The following TSC2 variants were observed in gnomAD, a reference collection of about 807,000 sequenced individuals.
TSC2 encodes TSC complex subunit 2, also known as tuberin.
A neutral mutation model predicts 202.2 loss-of-function variants in TSC2; 29 were observed. That is an observed-to-expected ratio of 0.14 (90% CI 0.11 to 0.20). The LOEUF (loss-of-function observed/expected upper bound fraction) is 0.20, where lower values mean the gene tolerates loss of function less well. Among genes scored for constraint, TSC2 ranks in the 10% least tolerant of loss-of-function variants. The pLI is 1.00. For missense variants in TSC2, 2,429 were observed against 2,420.0 expected (o/e 1.00, Z -0.08); for synonymous variants, 1,349 against 1,044.0 (o/e 1.29, Z -5.63).
At position 2,075,525 on chromosome 16, in the gene TSC2, C is replaced by CAAAAAAAAAAAA. The variant is rs933350142; in HGVS notation, c.2546-260_2546-249dup. 5.9e-4 allele frequency among the ~76,000 whole-genome samples: 16 copies of CAAAAAAAAAAAA among 27,304 alleles called. 2 individuals are homozygous for CAAAAAAAAAAAA. Among genetic ancestry groups the CAAAAAAAAAAAA allele is most frequent in the African/African-American group, 1.4e-3 (11 of 7,888 alleles). The allele number at this position is 27,304 out of a possible 152,430, so 17.9% of individuals were successfully genotyped here. A position where few individuals can be genotyped will look rare whatever the true frequency, so the allele number is the denominator to read the frequency against. ...CTGGGCGACAGAGCCAGACTCATCTCAAAAAAAAAAAAAAAAAAAAAAAAA... is the reference window on the plus strand; with the variant it reads ...CTGGGCGACAGAGCCAGACTCATCTCAAAAAAAAAAAAAAAAAAAAAAAAAAAAAAAAAAAAA... On this transcript the variant is annotated intron_variant, in intron 22 of 41. Coordinates refer to ENST00000219476, the MANE Select transcript of TSC2 (RefSeq NM_000548.5).
chr16:2,088,518 G>C lies in TSC2; in HGVS notation c.5332G>C (p.Ala1778Pro). 1 of 1,612,666 alleles carries C rather than the reference G, an allele frequency of 6.2e-7. No individual in the cohort carries two copies. The highest frequency in any genetic ancestry group is 1.1e-5 in the South Asian group (1 of 91,080). The change falls in exon 42 of 42, where the codon GCA becomes CCA. Residue 1778 changes from alanine to proline, a missense_variant. Ala to Pro is a conservative substitution (Grantham distance 27, BLOSUM62 -1). Transcript: ENST00000219476. ...VHPPSHSKAPAQTPAEPTPGY... is the reference protein window; with the variant it reads ...VHPPSHSKAPPQTPAEPTPGY... The stretch of plus-strand genomic sequence containing the variant: ...CCCTCCGTCCCATAGCAAAGCCCCT[G>C]CACAGACTCCAGCCGAGCCCACACC...
intron 10 of TSC2, among the ~76,000 whole-genome samples, chr16:2,059,175 T>C (rs1280837296): frequency 6.6e-6 from 1 of 151,222 alleles, no homozygotes; most frequent in Admixed American, 6.6e-5. Context: ...CCTGGTACCA[T>C]GCCTGGCTAA....
intron 15 of TSC2, 60 bp from the exon 16 acceptor site, chr16:2,065,459 C>G: frequency 3.2e-6 from 3 of 927,250 alleles, no homozygotes; most frequent in Non-Finnish European, 3.4e-6. Context: ...AGAAAGTGTT[C>G]TCACGGCTGC....
chr16:2,088,022 C>T (rs1203670927), intron 39 of TSC2, 26 bp from the exon 40 acceptor site: 3 of 1,611,394 alleles, frequency 1.9e-6, no homozygotes, highest in East Asian at 2.2e-5. Context: ...AGCCCTGGGC[C>T]TGGCGTGACC....
chr16:2,084,205 C>G, intron 33 of TSC2, 23 bp from the exon 34 acceptor site: 1 of 1,563,208 alleles, frequency 6.4e-7, no homozygotes, highest in South Asian at 1.2e-5. Flanking sequence ...GACAGGGGTT[C>G]TCTTTGGGAT....
At position 2,070,540 on chromosome 16, in the gene TSC2, A is replaced by G. The variant is rs2151280969; in HGVS notation, c.1801A>G (p.Ser601Gly). 1 of 1,613,290 alleles carries G rather than the reference A, an allele frequency of 6.2e-7. No homozygotes were observed. Among genetic ancestry groups the G allele is most frequent in the Non-Finnish European group, 8.5e-7 (1 of 1,180,028 alleles). The change falls in exon 17 of 42, where the codon AGC becomes GGC. Residue 601 changes from serine to glycine, a missense_variant. Coordinates refer to ENST00000219476, the MANE Select transcript of TSC2 (RefSeq NM_000548.5). ...VSHIQLHYKH[S>G]YTLPIASSIR... Reference sequence around the variant, plus strand: ...CCACATTCAGCTCCACTACAAGCACAGCTACACCCTGCCAATCGCGAGCAG... The same window carrying G: ...CCACATTCAGCTCCACTACAAGCACGGCTACACCCTGCCAATCGCGAGCAG...
chr16:2,085,045 T>G lies in TSC2; in HGVS notation c.4569+19T>G. The G allele has an allele frequency of 6.2e-7, 1 of 1,612,756 alleles. No homozygotes were observed. Among genetic ancestry groups the G allele is most frequent in the African/African-American group, 1.3e-5 (1 of 75,042 alleles). On this transcript the variant is annotated intron_variant, in intron 35 of 41. Transcript: ENST00000219476. ...CAATGAGGTAGGCGTGGCCTCCCTC[T>G]CCTGCATCCGCTGGAGCTGTGTGGC...
chr16:2,080,083 G>A (rs998905595), intron 29 of TSC2, 82 bp from the exon 30 acceptor site: 2 of 1,581,646 alleles, frequency 1.3e-6, no homozygotes, highest in African/African-American at 2.7e-5. Flanking sequence ...AGCTTGCCAG[G>A]CTCGGGGGGA....
chr16:2,054,812 C>T (rs984547954), intron 5 of TSC2: 8 of 374,260 alleles, frequency 2.1e-5, no homozygotes, highest in African/African-American at 1.7e-4. Flanking sequence ...TGTGGACCTT[C>T]CTCCTGCCAT....
intron 2 of TSC2, among the ~76,000 whole-genome samples, chr16:2,049,186 A>G (rs1316203822): frequency 6.6e-6 from 1 of 152,006 alleles, no homozygotes; most frequent in Non-Finnish European, 1.5e-5. Flanking sequence ...CCCAGTTTCA[A>G]GTGGTTCTCC....
chr16:2,087,160 G>T (rs370262048), intron 38 of TSC2: 2 of 484,916 alleles, frequency 4.1e-6, no homozygotes, highest in Non-Finnish European at 7.6e-6. Context: ...TGTCCGGCGC[G>T]GCCCTTGGGC....
chr16:2,084,688 C>T lies in TSC2; in HGVS notation c.4466C>T (p.Ala1489Val), dbSNP rs1596418744. The change falls in exon 34 of 42, where the codon GCA becomes GTA. Residue 1489 changes from alanine (A) to valine (V), a missense_variant. Transcript: ENST00000219476. ...AAGAGCAGAGCCACAGCCTCCAATG[C>T]AGAGAAAGTGCCAGGCATCAACCCC... is the stretch of plus-strand genomic sequence containing the variant. ...ALKSRATASNAEKVPGINPSF... is the reference protein window; with the variant it reads ...ALKSRATASNVEKVPGINPSF... 1 of 1,598,516 alleles carries T rather than the reference C, an allele frequency of 6.3e-7. No individual in the cohort carries two copies.
intron 11 of TSC2, chr16:2,061,641 G>C: frequency 1.6e-6 from 1 of 621,090 alleles, no homozygotes; most frequent in Non-Finnish European, 2.9e-6. Context: ...GATCTGGGGG[G>C]TGTCCTGGGC....
Position 2,083,807 on chromosome 16 carries a change from C to T in TSC2, c.3996C>T (p.Ala1332=), listed in dbSNP as rs1421997373. 7.4e-6 allele frequency: 12 copies of T among 1,611,156 alleles called. No homozygotes were observed. Among genetic ancestry groups the T allele is most frequent in the Non-Finnish European group, 1.0e-5 (12 of 1,179,562 alleles). The stretch of plus-strand genomic sequence containing the variant: ...TAGGCATGGACAGGCGCACGGATGC[C>T]TACAGCAGGGTGAGTGTGGCTCAGA... ...AALGMDRRTD[A]YSRSSSVSSQ... Residue 1332 remains alanine (A), a synonymous_variant, in exon 33 of 42, where the codon GCC becomes GCT. Coordinates refer to ENST00000219476, the MANE Select transcript of TSC2 (RefSeq NM_000548.5).
chr16:2,068,388 G>C (rs559329349), intron 16 of TSC2, among the ~76,000 whole-genome samples: 1 of 152,120 alleles, frequency 6.6e-6, no homozygotes, highest in Non-Finnish European at 1.5e-5. Flanking sequence ...GTTGACTCTT[G>C]AACAGTATGG....
intron 10 of TSC2, 72 bp downstream of exon 10, chr16:2,058,945 A>G (rs1198781347): frequency 5.8e-6 from 9 of 1,564,274 alleles, no homozygotes; most frequent in East Asian, 2.3e-5. Flanking sequence ...CACCCATCCC[A>G]CTGGGGGTCC....
At chr16:2,063,187 C>A in intron 14 of TSC2, 134 bp downstream of exon 14, 1 of 1,124,144 alleles carries the variant, frequency 8.9e-7, no homozygotes, top group Non-Finnish European at 1.3e-6. Context: ...CTGCAGCCCC[C>A]AGCGTGGTCT....
At chr16:2,054,928 C>G in intron 5 of TSC2, 1 of 326,178 alleles carries the variant, frequency 3.1e-6, no homozygotes. Flanking sequence ...GCTGTTCTGT[C>G]GCCCAGAAAA....
chr16:2,089,351 A>T lies in TSC2; in HGVS notation c.*741A>T. 2.9e-6 allele frequency: 1 copy of T among 343,156 alleles called. No individual in the cohort carries two copies. Among genetic ancestry groups the T allele is most frequent in the Non-Finnish European group, 5.4e-6 (1 of 184,382 alleles). 21.3% of individuals were successfully genotyped at this position (343,156 alleles called of 1,614,324 possible). ...ACTGGAGAGGTAATAACTTAGGGGCAGGGTGGCGGCGGTGCAGGCTAACCC... is the reference window on the plus strand; with the variant it reads ...ACTGGAGAGGTAATAACTTAGGGGCTGGGTGGCGGCGGTGCAGGCTAACCC... On this transcript the variant is annotated 3_prime_UTR_variant, in exon 42 of 42. Coordinates refer to ENST00000219476, the MANE Select transcript of TSC2 (RefSeq NM_000548.5).
Sources: gnomAD v4.1 joint callset for allele counts (sites outside exome capture counted in the v4.1 genomes callset) on GRCh38, gnomAD v4.1.1 for gene constraint, MANE v1.5 for transcripts, NCBI Gene and HGNC (gene_info 2026-07-23, HGNC 2026-07-21) for gene names.